JCAD: variants seen among roughly 807,000 people sequenced by gnomAD.
The protein encoded by JCAD is junctional cadherin 5 associated.
A neutral mutation model predicts 98.0 loss-of-function variants in JCAD; 40 were observed. The observed-to-expected ratio is 0.41, with a 90% CI of 0.32 to 0.53. JCAD has a LOEUF of 0.53. Ranked by LOEUF, JCAD falls within the 20% of genes least tolerant of loss-of-function variation. The pLI is 0.31. For synonymous variants in JCAD, 691 were observed against 682.3 expected (o/e 1.01, Z -0.20); for missense variants, 1,705 against 1,738.1 (o/e 0.98, Z 0.34).
intron 1 of JCAD, among the ~76,000 whole-genome samples, chr10:30,107,936 C>T (rs1316994454): frequency 6.6e-6 from 1 of 152,082 alleles, no homozygotes; most frequent in Non-Finnish European, 1.5e-5. Flanking sequence ...AAATATGCAC[C>T]CCTATCCTGG....
At chr10:30,112,801 G>A (rs1234568064) in intron 1 of JCAD, among the ~76,000 whole-genome samples, 1 of 151,334 alleles carries the variant, frequency 6.6e-6, no homozygotes, top group African/African-American at 2.4e-5. Flanking sequence ...GAACCCGGGA[G>A]GCAGAGGTTG....
exon 1 of JCAD, chr10:30,115,396 G>T (rs537958258): frequency 6.6e-6 from 1 of 152,206 alleles, no homozygotes; most frequent in African/African-American, 2.4e-5. Context: ...CTTCATGAGC[G>T]TCTAAAGAAT....
chr10:30,072,418 C>T (rs1478128337), intron 1 of JCAD, among the ~76,000 whole-genome samples: 1 of 152,174 alleles, frequency 6.6e-6, no homozygotes, highest in Non-Finnish European at 1.5e-5. Context: ...TGCCTTCCTG[C>T]AGCATTTGTA....
chr10:30,090,683 G>A (rs1050101287), intron 1 of JCAD, among the ~76,000 whole-genome samples: 6 of 152,192 alleles, frequency 3.9e-5, no homozygotes, highest in East Asian at 3.9e-4. Flanking sequence ...ACCATGACGC[G>A]CAGGACCCTA....
chr10:30,087,141 G>A (rs1333065120), intron 1 of JCAD, among the ~76,000 whole-genome samples: 5 of 152,128 alleles, frequency 3.3e-5, no homozygotes, highest in African/African-American at 1.2e-4. Flanking sequence ...AGTGGCAACC[G>A]ATTGTCAAGT....
chr10:30,029,330 C>T lies in JCAD; in HGVS notation c.818G>A (p.Arg273Lys). ...TGAGCAGCCACTCTTCTCAGAATTC[C>T]TCGTGGAGTCCAAATTTGGTGCGCA... ...PTCAPNLDSTRNSEKSGCSAP... is the reference protein window; with the variant it reads ...PTCAPNLDSTKNSEKSGCSAP... The change falls in exon 3 of 4, where the codon AGG becomes AAG. Residue 273 changes from arginine to lysine, a missense_variant. By Grantham distance (26) the Arg-to-Lys change is conservative (BLOSUM62 2). Coordinates refer to ENST00000375377, the MANE Select transcript of JCAD (RefSeq NM_020848.4). 4.3e-6 allele frequency: 7 copies of T among 1,614,118 alleles called. No homozygotes were observed. The highest frequency in any genetic ancestry group is 5.9e-6 in the Non-Finnish European group (7 of 1,180,022).
At position 30,051,351 on chromosome 10, in the gene JCAD, C is replaced by G. The variant is rs144447277; in HGVS notation, c.-59-3480G>C. On this transcript the variant is annotated intron_variant, in intron 1 of 3. Coordinates refer to ENST00000375377, the MANE Select transcript of JCAD (RefSeq NM_020848.4). ...TGGCTATAATGTCTTGATGGCAACG[C>G]TGGTGTTAATGTTTAAATGCTCAGT... 1.4e-3 allele frequency among the ~76,000 whole-genome samples: 207 copies of G among 151,892 alleles called. 1 individual carries two copies. The highest frequency in any genetic ancestry group is 2.6e-3 in the Admixed American group (39 of 15,246).
intron 3 of JCAD, among the ~76,000 whole-genome samples, chr10:30,022,702 A>C (rs1358583462): frequency 1.3e-5 from 2 of 152,248 alleles, no homozygotes; most frequent in African/African-American, 4.8e-5. Flanking sequence ...GATTATGGTC[A>C]TGCGCCACAG....
chr10:30,035,947 C>T (rs1157281960), intron 2 of JCAD, among the ~76,000 whole-genome samples: 1 of 152,184 alleles, frequency 6.6e-6, no homozygotes, highest in Non-Finnish European at 1.5e-5. Flanking sequence ...AGCGAAACAA[C>T]TACTAGCAAC....
At chr10:30,023,247 A>T (rs1836704200) in intron 3 of JCAD, among the ~76,000 whole-genome samples, 1 of 152,098 alleles carries the variant, frequency 6.6e-6, no homozygotes, top group Non-Finnish European at 1.5e-5. Flanking sequence ...CACGTTGGCC[A>T]CACCAGTCTT....
chr10:30,073,927 G>A (rs913815861), intron 1 of JCAD, among the ~76,000 whole-genome samples: 15 of 152,124 alleles, frequency 9.9e-5, no homozygotes, highest in African/African-American at 3.1e-4. Flanking sequence ...ACAAGACTGC[G>A]AGATAACACT....
Position 30,028,349 on chromosome 10 carries a change from T to C in JCAD, c.1799A>G (p.Asn600Ser). The change falls in exon 3 of 4, where the codon AAC (asparagine) becomes AGC (serine). Residue 600 changes from asparagine to serine, a missense_variant. Asn to Ser is a conservative substitution (Grantham distance 46). Transcript: ENST00000375377. ...ESHLPDRDMD[N>S]NDLKPSADQK... ...ATCAGCACTGGGCTTTAAGTCATTG[T>C]TGTCCATATCTCTATCTGGCAGATG... 6.2e-7 allele frequency: 1 copy of C among 1,614,236 alleles called. No individual in the cohort carries two copies.
At position 30,029,777 on chromosome 10, in the gene JCAD, C is replaced by G. The variant is rs1836951008; in HGVS notation, c.371G>C (p.Arg124Thr). 6.2e-7 allele frequency: 1 copy of G among 1,614,280 alleles called. No homozygotes were observed. The highest frequency in any genetic ancestry group is 8.5e-7 in the Non-Finnish European group (1 of 1,180,060). The change falls in exon 3 of 4, where the codon AGG (arginine) becomes ACG (threonine). Residue 124 changes from arginine (R) to threonine (T), a missense_variant. Coordinates refer to ENST00000375377, the MANE Select transcript of JCAD (RefSeq NM_020848.4). The part of the protein sequence containing the change: ...AYRRRGRQEA[R>T]SQKPREHENL... ...TTCGTGCTCCCTCGGCTTCTGGCTC[C>G]TGGCTTCTTGCCGTCCTCTTCTCCG...
chr10:30,079,109 G>C (rs1388850205), intron 1 of JCAD, among the ~76,000 whole-genome samples: 1 of 152,102 alleles, frequency 6.6e-6, no homozygotes, highest in African/African-American at 2.4e-5. Flanking sequence ...GTCAAGAATA[G>C]TAATCATCTT....
At position 30,029,643 on chromosome 10, in the gene JCAD, A is replaced by T. The variant is rs1480825771; in HGVS notation, c.505T>A (p.Trp169Arg). 1 of 1,614,130 alleles carries T rather than the reference A, an allele frequency of 6.2e-7. No homozygotes were observed. The highest frequency in any genetic ancestry group is 8.5e-7 in the Non-Finnish European group (1 of 1,180,036). ...CCTGACATTCGCAATTCTTCTTCCC[A>T]AACTGGCTTCTTCATCACATGCTCT... ...RSEHVMKKPV[W>R]EEELRMSGPA... Residue 169 changes from tryptophan to arginine, a missense_variant, in exon 3 of 4, where the codon TGG becomes AGG. Transcript: ENST00000375377.
At chr10:30,114,109 C>G (rs769529625) in intron 1 of JCAD, among the ~76,000 whole-genome samples, 1 of 152,102 alleles carries the variant, frequency 6.6e-6, no homozygotes, top group Non-Finnish European at 1.5e-5. Context: ...ATAAGATGAT[C>G]GCAAAGTGGT....
chr10:30,114,856 T>TAGAC (rs71023546), intron 1 of JCAD, among the ~76,000 whole-genome samples: 2 of 139,960 alleles, frequency 1.4e-5, no homozygotes, highest in African/African-American at 5.7e-5. Context: ...GATAGATAGA[T>TAGAC]GATAGATACA....
intron 1 of JCAD, among the ~76,000 whole-genome samples, chr10:30,094,682 G>A (rs1194086175): frequency 6.6e-6 from 1 of 152,146 alleles, no homozygotes; most frequent in African/African-American, 2.4e-5. Flanking sequence ...AAAGAAATCA[G>A]TTCTCTTCCT....
rs1050905982 is a variant in JCAD, at chr10:30,059,171, C to T, written c.-60+311G>A. Among the ~76,000 whole-genome samples the T allele has an allele frequency of 6.6e-6, 1 of 151,660 alleles. No homozygotes were observed. Among genetic ancestry groups the T allele is most frequent in the Non-Finnish European group, 1.5e-5 (1 of 67,836 alleles). ...GGGCGACGCGAGCGCTAACGCCAGCCGCGGCCCGCGGTGCCCGCCCCGGGA... is the reference window on the plus strand; with the variant it reads ...GGGCGACGCGAGCGCTAACGCCAGCTGCGGCCCGCGGTGCCCGCCCCGGGA... On this transcript the variant is annotated intron_variant, in intron 1 of 3. Coordinates refer to ENST00000375377, the MANE Select transcript of JCAD (RefSeq NM_020848.4). The surrounding 1 kb of genome is among the most constrained non-coding windows in gnomAD (Gnocchi z 5.0).
Sources: gnomAD v4.1 joint callset for allele counts (sites outside exome capture counted in the v4.1 genomes callset) on GRCh38, gnomAD v4.1.1 for gene constraint, Gnocchi (gnomAD v3.1) non-coding constraint, MANE v1.5 for transcripts, NCBI Gene and HGNC (gene_info 2026-07-23, HGNC 2026-07-21) for gene names.